The following RABGAP1L variants were observed in gnomAD, a reference collection of about 807,000 sequenced individuals.
The protein encoded by RABGAP1L is rab GTPase-activating protein 1-like.
RABGAP1L carries 63 observed loss-of-function variants against 137.7 expected under a neutral mutation model. That is an observed-to-expected ratio of 0.46 (90% confidence interval 0.37 to 0.56). The LOEUF is 0.56. RABGAP1L is among the 20% of genes least tolerant of loss of function. RABGAP1L has a pLI of 0.00. For missense variants in RABGAP1L, 1,095 were observed against 1,244.0 expected (o/e 0.88, Z 1.80); for synonymous variants, 431 against 433.7 (o/e 0.99, Z 0.08).
intron 14 of RABGAP1L, among the ~76,000 whole-genome samples, chr1:174,642,175 G>T (rs1674579257): frequency 6.6e-6 from 1 of 152,058 alleles, no homozygotes; most frequent in Non-Finnish European, 1.5e-5. Flanking sequence ...GAAAAAAGAG[G>T]ATACTGCTAT....
At chr1:174,595,541 T>C (rs1296999662) in intron 13 of RABGAP1L, among the ~76,000 whole-genome samples, 2 of 126,698 alleles carry the variant, frequency 1.6e-5, no homozygotes, top group Non-Finnish European at 3.3e-5. Flanking sequence ...TCGGTGTAGA[T>C]GTCCTTTCTG....
chr1:174,554,473 T>A (rs1197974721), intron 13 of RABGAP1L, among the ~76,000 whole-genome samples: 2 of 152,186 alleles, frequency 1.3e-5, no homozygotes, highest in Non-Finnish European at 1.5e-5. Context: ...CTGTGTCCCC[T>A]TGGCATTTGT....
intron 19 of RABGAP1L, among the ~76,000 whole-genome samples, chr1:174,833,449 G>GATAGATATATATATATATATATAT (rs1692367863): frequency 3.6e-5 from 1 of 27,828 alleles, no homozygotes; most frequent in African/African-American, 6.6e-5. Context: ...TGTGTGTAGA[G>GATAGATATATATATATATATATAT]ATATATATAT....
chr1:174,648,073 G>T (rs1221786875), intron 14 of RABGAP1L, among the ~76,000 whole-genome samples: 1 of 151,810 alleles, frequency 6.6e-6, no homozygotes, highest in Admixed American at 6.6e-5. Context: ...TTTTTATTGT[G>T]TCTATTTGAT....
chr1:174,892,188 A>T (rs1381300380), intron 19 of RABGAP1L, among the ~76,000 whole-genome samples: 1 of 152,184 alleles, frequency 6.6e-6, no homozygotes, highest in Admixed American at 6.5e-5. Context: ...GTTGGGCCGG[A>T]TGACCAGAGG....
At chr1:174,978,101 C>G (rs924932112) in intron 22 of RABGAP1L, among the ~76,000 whole-genome samples, 6 of 151,572 alleles carry the variant, frequency 4.0e-5, no homozygotes, top group Non-Finnish European at 8.8e-5. Flanking sequence ...TCCTTTGTAT[C>G]TGGTAGCACC....
chr1:174,758,529 G>A (rs1333670703), intron 18 of RABGAP1L, among the ~76,000 whole-genome samples: 1 of 151,678 alleles, frequency 6.6e-6, no homozygotes, highest in Non-Finnish European at 1.5e-5. Context: ...CTCTCACTTA[G>A]TGAGAACATT....
At chr1:174,440,998 G>A (rs1438312590) in intron 13 of RABGAP1L, among the ~76,000 whole-genome samples, 1 of 151,656 alleles carries the variant, frequency 6.6e-6, no homozygotes, top group Non-Finnish European at 1.5e-5. Flanking sequence ...GGAGTAGTTT[G>A]AATTGACTGG....
chr1:174,975,787 C>G (rs964380700), intron 21 of RABGAP1L, among the ~76,000 whole-genome samples: 2 of 152,148 alleles, frequency 1.3e-5, no homozygotes, highest in African/African-American at 4.8e-5. Flanking sequence ...CAGATCATGA[C>G]TCTATTAGAT....
intron 11 of RABGAP1L, among the ~76,000 whole-genome samples, chr1:174,326,366 T>TA (rs1297114152): frequency 4.6e-5 from 7 of 151,970 alleles, no homozygotes; most frequent in Non-Finnish European, 8.8e-5. Context: ...GGGAATCATA[T>TA]AAAAAATCAA....
intron 10 of RABGAP1L, among the ~76,000 whole-genome samples, chr1:174,303,348 C>G (rs1260726998): frequency 1.3e-5 from 2 of 151,878 alleles, no homozygotes; most frequent in Admixed American, 1.3e-4. Context: ...TATAAAAAGC[C>G]TCAGGTCTGG....
chr1:174,339,260 A>G (rs1033529973), intron 11 of RABGAP1L, among the ~76,000 whole-genome samples: 2 of 152,172 alleles, frequency 1.3e-5, no homozygotes. Context: ...AATTTCATAG[A>G]TTGACTTTGT....
intron 19 of RABGAP1L, among the ~76,000 whole-genome samples, chr1:174,863,001 T>C (rs1467722746): frequency 2.6e-5 from 4 of 151,890 alleles, no homozygotes; most frequent in African/African-American, 2.4e-5. Context: ...TTCAAGTGAT[T>C]CTCCTGCCTC....
intron 10 of RABGAP1L, among the ~76,000 whole-genome samples, chr1:174,280,356 T>C (rs1003588135): frequency 1.3e-5 from 2 of 152,150 alleles, no homozygotes; most frequent in African/African-American, 4.8e-5. Context: ...CATTACTACT[T>C]TAAAGAAATA....
chr1:174,520,936 G>A (rs1484270316), intron 13 of RABGAP1L, among the ~76,000 whole-genome samples: 1 of 152,236 alleles, frequency 6.6e-6, no homozygotes, highest in Non-Finnish European at 1.5e-5. Context: ...AGGAGGCGCA[G>A]TTTGCCGTGA....
chr1:174,837,066 G>A (rs1692824968), intron 19 of RABGAP1L, among the ~76,000 whole-genome samples: 1 of 152,178 alleles, frequency 6.6e-6, no homozygotes. Context: ...AATTAGCTGG[G>A]CGTGGTGGCG....
At chr1:174,562,548 A>G (rs1376243568) in intron 13 of RABGAP1L, among the ~76,000 whole-genome samples, 1 of 152,214 alleles carries the variant, frequency 6.6e-6, no homozygotes, top group African/African-American at 2.4e-5. Context: ...ATAAAGACAC[A>G]TGCTCACGTA....
chr1:174,669,232 A>G (rs1030445200), intron 14 of RABGAP1L, among the ~76,000 whole-genome samples: 1 of 152,100 alleles, frequency 6.6e-6, no homozygotes, highest in African/African-American at 2.4e-5. Context: ...TTATAAAACT[A>G]TCAGTTCTCA....
intron 13 of RABGAP1L, among the ~76,000 whole-genome samples, chr1:174,620,316 A>T (rs1298671961): frequency 1.3e-5 from 2 of 152,210 alleles, no homozygotes; most frequent in Admixed American, 1.3e-4. Context: ...TTCACCCCAA[A>T]TCAACAGAAT....
Sources: allele counts gnomAD v4.1 joint callset (sites outside exome capture counted in the v4.1 genomes callset), GRCh38; gene constraint gnomAD v4.1.1; transcripts MANE v1.5; gene names NCBI Gene and HGNC (gene_info 2026-07-23, HGNC 2026-07-21).